Variants in MXI1 observed in about 807,000 individuals in gnomAD.
MXI1 encodes the protein max-interacting protein 1.
A neutral mutation model predicts 36.9 loss-of-function variants in MXI1; 18 were observed. The observed-to-expected ratio is 0.49, with a 90% CI of 0.34 to 0.72. MXI1 has a LOEUF of 0.72. Among genes scored for constraint, MXI1 ranks in the 30% least tolerant of loss-of-function variants. MXI1 has a pLI of 0.01. For synonymous variants in MXI1, 160 were observed against 146.7 expected, an observed-to-expected ratio of 1.09 and a Z score of -0.65; for missense variants, 304 against 379.1, an observed-to-expected ratio of 0.80 and a Z score of 1.64.
chr10:110,261,874 T>A (rs901620165), intron 3 of MXI1, among the ~76,000 whole-genome samples: 3 of 152,242 alleles, frequency 2.0e-5, no homozygotes, highest in African/African-American at 7.2e-5. Context: ...AACAAAAGTG[T>A]TTATAATAAA....
rs536470989 is a variant in MXI1, at chr10:110,230,061, C to T, written c.407+1740C>T. Among the ~76,000 whole-genome samples, 3 of 152,210 alleles carry T rather than the reference C, an allele frequency of 2.0e-5. No homozygotes were observed. In the East Asian group the frequency reaches 5.8e-4, roughly 29 times the overall value. On this transcript the variant is annotated intron_variant, in intron 2 of 5. Coordinates refer to ENST00000332674, the MANE Select transcript of MXI1 (RefSeq NM_130439.3). ...CCCTCCTTCTCCTGAACTTCTATGA[C>T]TCTGATTTATTGACAGTTTTAGAGA...
rs1380464473 is a variant in MXI1, at chr10:110,279,952, C to T, written c.591C>T (p.Leu197=). ...CTGAAAGAAAAAGCCAGCACCAGCT[C>T]GAGAATTTGGAACGAGAACAGAGAT... ...EEAERKSQHQ[L]ENLEREQRFL... The change falls in exon 5 of 6, where the codon CTC becomes CTT. Residue 197 remains leucine, a synonymous_variant. Coordinates refer to ENST00000332674, the MANE Select transcript of MXI1 (RefSeq NM_130439.3). 2.5e-6 allele frequency: 4 copies of T among 1,611,576 alleles called. No individual in the cohort carries two copies. The highest frequency in any genetic ancestry group is 2.2e-5 in the East Asian group (1 of 44,860).
intron 5 of MXI1, among the ~76,000 whole-genome samples, chr10:110,283,176 C>T (rs1857319058): frequency 6.6e-6 from 1 of 152,096 alleles, no homozygotes; most frequent in Non-Finnish European, 1.5e-5. Flanking sequence ...TCTCTAGAAT[C>T]TCTAAAACTT....
chr10:110,239,778 T>C (rs1332881293), intron 2 of MXI1, among the ~76,000 whole-genome samples: 4 of 152,274 alleles, frequency 2.6e-5, no homozygotes, highest in Admixed American at 2.6e-4. Flanking sequence ...AATTTTTTCC[T>C]GTTTACCAAA....
chr10:110,221,367 G>A (rs1854802907), intron 1 of MXI1, among the ~76,000 whole-genome samples: 1 of 152,154 alleles, frequency 6.6e-6, no homozygotes, highest in Non-Finnish European at 1.5e-5. Flanking sequence ...AAACTTCTAT[G>A]ACATAAACCT....
chr10:110,230,391 A>C (rs763104137), intron 2 of MXI1, among the ~76,000 whole-genome samples: 4 of 152,226 alleles, frequency 2.6e-5, no homozygotes, highest in Non-Finnish European at 5.9e-5. Context: ...TAAAACTGCA[A>C]GCATGCCATA....
At chr10:110,210,438 G>A (rs908430238) in intron 1 of MXI1, 1 of 324,776 alleles carries the variant, frequency 3.1e-6, no homozygotes, top group Admixed American at 6.5e-5. Flanking sequence ...TGATGCCAAC[G>A]GCCCCCAGAT....
At chr10:110,218,412 T>A (rs570907691) in intron 1 of MXI1, among the ~76,000 whole-genome samples, 50 of 150,916 alleles carry the variant, frequency 3.3e-4, no homozygotes, top group Non-Finnish European at 6.3e-4. Flanking sequence ...ATCACACCAC[T>A]GCACTCCAGC....
intron 1 of MXI1, among the ~76,000 whole-genome samples, chr10:110,208,760 G>T (rs1854429912): frequency 7.3e-6 from 1 of 136,274 alleles, no homozygotes; most frequent in Admixed American, 7.3e-5. Flanking sequence ...CCCCAAAGAA[G>T]GAGGCCGGCG....
chr10:110,257,824 T>A, intron 3 of MXI1: 1 of 355,352 alleles, frequency 2.8e-6, no homozygotes, highest in Non-Finnish European at 5.6e-6. Context: ...CTGGAACCTA[T>A]TCCCTGTGAA....
At chr10:110,246,027 T>A (rs1855852068) in intron 3 of MXI1, among the ~76,000 whole-genome samples, 1 of 151,998 alleles carries the variant, frequency 6.6e-6, no homozygotes, top group African/African-American at 2.4e-5. Flanking sequence ...GGTGTAGAGA[T>A]TAGATTAATA....
At chr10:110,223,403 G>A (rs1346261124) in intron 1 of MXI1, among the ~76,000 whole-genome samples, 1 of 152,022 alleles carries the variant, frequency 6.6e-6, no homozygotes, top group Non-Finnish European at 1.5e-5. Context: ...CCAACATGGT[G>A]AAACCCTGTC....
chr10:110,269,172 C>T (rs1590395885), intron 3 of MXI1, among the ~76,000 whole-genome samples: 2 of 152,318 alleles, frequency 1.3e-5, no homozygotes, highest in Admixed American at 1.3e-4. Context: ...GCATGGTTAC[C>T]ACTTTTAATC....
chr10:110,211,239 T>A (rs899163230), intron 1 of MXI1, among the ~76,000 whole-genome samples: 2 of 152,162 alleles, frequency 1.3e-5, no homozygotes, highest in African/African-American at 2.4e-5. Context: ...GGTTTCCACA[T>A]GGAGACAAAC....
intron 2 of MXI1, among the ~76,000 whole-genome samples, chr10:110,242,681 C>T (rs761964955): frequency 6.6e-6 from 1 of 151,900 alleles, no homozygotes; most frequent in African/African-American, 2.4e-5. Flanking sequence ...TAATTTTGTT[C>T]ACAGCAGTGG....
intron 1 of MXI1, among the ~76,000 whole-genome samples, chr10:110,211,083 T>G (rs1854500979): frequency 6.6e-6 from 1 of 151,312 alleles, no homozygotes; most frequent in African/African-American, 2.4e-5. Context: ...CTTTTTTTTT[T>G]TTTTTTTCGG....
At position 110,281,013 on chromosome 10, in the gene MXI1, T is replaced by C. The variant is rs976295591; in HGVS notation, c.724+928T>C. ...CATTTGGAGAAAGGAGCTCATGAGC[T>C]CTTTAGGATTCTAAAACATGAGACA... On this transcript the variant is annotated intron_variant, in intron 5 of 5. Coordinates refer to ENST00000332674, the MANE Select transcript of MXI1 (RefSeq NM_130439.3). Among the ~76,000 whole-genome samples the C allele has an allele frequency of 7.2e-5, 11 of 152,346 alleles. No individual in the cohort carries two copies. The East Asian group carries it at 2.1e-3, about 29-fold the overall frequency.
At chr10:110,244,352 A>G (rs1036424321) in intron 2 of MXI1, among the ~76,000 whole-genome samples, 4 of 151,998 alleles carry the variant, frequency 2.6e-5, no homozygotes, top group Non-Finnish European at 5.9e-5. Flanking sequence ...ATTTGCCTGT[A>G]TCACTAAGCA....
chr10:110,246,196 GC>G (rs1285779731), intron 3 of MXI1, among the ~76,000 whole-genome samples: 1 of 151,926 alleles, frequency 6.6e-6, no homozygotes, highest in Non-Finnish European at 1.5e-5. Flanking sequence ...TGGTGTGGTG[GC>G]ATGCAGTCCC....
Sources: gnomAD v4.1 joint callset for allele counts (sites outside exome capture counted in the v4.1 genomes callset) on GRCh38, gnomAD v4.1.1 for gene constraint, MANE v1.5 for transcripts, NCBI Gene and HGNC (gene_info 2026-07-23, HGNC 2026-07-21) for gene names.